ADAMTSL1: variants seen among roughly 807,000 people sequenced by gnomAD.
ADAMTSL1 encodes ADAMTS like 1, also known as ADAMTS-like protein 1.
In ADAMTSL1, 126 loss-of-function variants were observed where a neutral mutation model predicts 201.8. The observed-to-expected ratio is 0.62, with a 90% CI of 0.54 to 0.72. The LOEUF is 0.72. Ranked by LOEUF, ADAMTSL1 falls within the 30% of genes least tolerant of loss-of-function variation. The pLI, the probability that ADAMTSL1 is intolerant of heterozygous loss-of-function variation, is 0.00. For missense variants in ADAMTSL1, 2,679 were observed against 2,277.8 expected (o/e 1.18, Z -3.59); for synonymous variants, 1,121 against 903.4 (o/e 1.24, Z -4.32).
intron 4 of ADAMTSL1, among the ~76,000 whole-genome samples, chr9:18,584,193 C>T (rs1322478124): frequency 1.3e-5 from 2 of 152,104 alleles, no homozygotes; most frequent in Admixed American, 1.3e-4. Flanking sequence ...TGGGAGGATC[C>T]CATTGGGAGG....
chr9:18,427,195 T>G (rs1819262944), intron 2 of ADAMTSL1, among the ~76,000 whole-genome samples: 1 of 152,184 alleles, frequency 6.6e-6, no homozygotes, highest in Non-Finnish European at 1.5e-5. Context: ...CTGCACACAG[T>G]TCTGAATTAC....
intron 2 of ADAMTSL1, among the ~76,000 whole-genome samples, chr9:18,206,580 T>C (rs1279482115): frequency 6.6e-6 from 1 of 152,102 alleles, no homozygotes; most frequent in Non-Finnish European, 1.5e-5. Flanking sequence ...CTGAGCAGAC[T>C]TCTAGCCCTA....
chr9:18,878,382 A>G (rs1300143503), intron 23 of ADAMTSL1, among the ~76,000 whole-genome samples: 1 of 152,224 alleles, frequency 6.6e-6, no homozygotes, highest in Admixed American at 6.5e-5. Context: ...TCTTTCCCCA[A>G]TTCCACTGGC....
chr9:17,977,068 T>C (rs1259534768), intron 1 of ADAMTSL1, among the ~76,000 whole-genome samples: 1 of 152,192 alleles, frequency 6.6e-6, no homozygotes, highest in East Asian at 1.9e-4. Context: ...ATGCCTTTTC[T>C]TTATTGAATA....
chr9:18,559,168 T>G (rs1339250045), intron 3 of ADAMTSL1, among the ~76,000 whole-genome samples: 3 of 152,226 alleles, frequency 2.0e-5, no homozygotes, highest in South Asian at 2.1e-4. Context: ...TATTCCATCT[T>G]GAGTTAATTT....
In ADAMTSL1 at chr9:18,657,620, T is replaced by C. The variant is rs1417072115; in HGVS notation, c.835-19T>C. 4.4e-6 allele frequency: 7 copies of C among 1,591,738 alleles called. No individual in the cohort carries two copies. Among genetic ancestry groups the C allele is most frequent in the Non-Finnish European group, 6.0e-6 (7 of 1,159,712 alleles). On this transcript the variant is annotated intron_variant, in intron 7 of 28. Transcript: ENST00000380548. ...ACCGCACTGTCACATTACTTCTACT[T>C]TCCTGTTGACTCCTGCAGATTCGTA... is the stretch of plus-strand genomic sequence containing the variant.
chr9:18,031,612 G>T (rs1229827627), intron 1 of ADAMTSL1, among the ~76,000 whole-genome samples: 6 of 152,178 alleles, frequency 3.9e-5, no homozygotes, highest in African/African-American at 1.4e-4. Flanking sequence ...CTGGGGAAGG[G>T]GAGATGGGAG....
At chr9:18,587,782 C>T (rs892356400) in intron 4 of ADAMTSL1, among the ~76,000 whole-genome samples, 3 of 152,126 alleles carry the variant, frequency 2.0e-5, no homozygotes, top group African/African-American at 7.2e-5. Flanking sequence ...CCTCCAGTTC[C>T]ATCCATATTG....
At chr9:18,887,778 C>A in intron 23 of ADAMTSL1, 53 bp from the exon 24 acceptor site, 1 of 1,486,332 alleles carries the variant, frequency 6.7e-7, no homozygotes, top group Non-Finnish European at 9.3e-7. Flanking sequence ...AGTGCACCAG[C>A]AATGTGTTCC....
At chr9:17,959,875 G>T (rs149558263) in intron 1 of ADAMTSL1, among the ~76,000 whole-genome samples, 4 of 152,242 alleles carry the variant, frequency 2.6e-5, no homozygotes, top group African/African-American at 9.6e-5. Flanking sequence ...TCCATAAAAT[G>T]GGGTTTTATG....
chr9:18,426,845 A>G (rs1587167038), intron 2 of ADAMTSL1, among the ~76,000 whole-genome samples: 1 of 152,180 alleles, frequency 6.6e-6, no homozygotes, highest in Non-Finnish European at 1.5e-5. Context: ...AACCTTATAC[A>G]CTAACCAAAT....
At chr9:18,346,423 G>A (rs1055645507) in intron 2 of ADAMTSL1, among the ~76,000 whole-genome samples, 4 of 152,066 alleles carry the variant, frequency 2.6e-5, no homozygotes, top group Non-Finnish European at 5.9e-5. Context: ...TGCACTTCAG[G>A]TTTCCCACAT....
chr9:18,767,032 A>G (rs983627221), intron 16 of ADAMTSL1, among the ~76,000 whole-genome samples: 11 of 152,200 alleles, frequency 7.2e-5, no homozygotes, highest in Non-Finnish European at 1.3e-4. Context: ...GGTGGTAAAA[A>G]AAAGGAAAAA....
chr9:18,620,770 C>G (rs1825987990), intron 4 of ADAMTSL1, among the ~76,000 whole-genome samples: 1 of 152,144 alleles, frequency 6.6e-6, no homozygotes, highest in African/African-American at 2.4e-5. Context: ...GACTTTAGAA[C>G]TCAGCACCAT....
At chr9:18,169,895 T>G (rs1827813406) in intron 2 of ADAMTSL1, among the ~76,000 whole-genome samples, 1 of 151,854 alleles carries the variant, frequency 6.6e-6, no homozygotes, top group African/African-American at 2.4e-5. Context: ...AGGTAAGTCA[T>G]TCCTATTTAA....
At chr9:18,674,198 GCACA>G (rs546082192) in intron 9 of ADAMTSL1, among the ~76,000 whole-genome samples, 12 of 58,170 alleles carry the variant, frequency 2.1e-4, no homozygotes, top group Admixed American at 6.3e-4. Context: ...ACACACACAG[GCACA>G]CACACACACA....
chr9:18,895,884 G>T (rs1007557669), intron 26 of ADAMTSL1, among the ~76,000 whole-genome samples: 4 of 152,124 alleles, frequency 2.6e-5, no homozygotes, highest in African/African-American at 9.7e-5. Context: ...ATAAACATAG[G>T]CATTGAACAT....
At chr9:18,888,437 C>A (rs1255418582) in intron 24 of ADAMTSL1, among the ~76,000 whole-genome samples, 1 of 152,212 alleles carries the variant, frequency 6.6e-6, no homozygotes, top group Non-Finnish European at 1.5e-5. Flanking sequence ...GAGAGACAGG[C>A]CTGATGCCAG....
At chr9:18,013,838 A>T (rs994056248) in intron 1 of ADAMTSL1, among the ~76,000 whole-genome samples, 5 of 152,022 alleles carry the variant, frequency 3.3e-5, no homozygotes, top group African/African-American at 9.7e-5. Context: ...TTGCCAGTTG[A>T]ACATGGGGTT....
Sources: gnomAD v4.1 joint callset for allele counts (sites outside exome capture counted in the v4.1 genomes callset) on GRCh38, gnomAD v4.1.1 for gene constraint, MANE v1.5 for transcripts, NCBI Gene and HGNC (gene_info 2026-07-23, HGNC 2026-07-21) for gene names.